The following CLVS2 variants were observed in gnomAD, a reference collection of about 807,000 sequenced individuals.
The protein encoded by CLVS2 is clavesin-2.
CLVS2 carries 19 observed loss-of-function variants against 29.0 expected under a neutral mutation model. That is an observed-to-expected ratio of 0.66 (90% CI 0.46 to 0.96). The LOEUF (loss-of-function observed/expected upper bound fraction) is 0.96, where lower values mean the gene tolerates loss of function less well. Ranked by LOEUF, CLVS2 falls within the 40% of genes least tolerant of loss-of-function variation. The probability of loss-of-function intolerance (pLI) is 0.00; values close to 1 mark genes in which losing one functional copy is unlikely to be tolerated. For missense variants in CLVS2, 294 were observed against 404.1 expected (o/e 0.73, Z 2.34); for synonymous variants, 161 against 151.3 (o/e 1.06, Z -0.47).
chr6:123,042,847 T>C (rs889241262), intron 3 of CLVS2, among the ~76,000 whole-genome samples: 3 of 152,138 alleles, frequency 2.0e-5, no homozygotes, highest in Non-Finnish European at 4.4e-5. Context: ...GAATAAGACC[T>C]GTATACAAAC....
At chr6:123,047,765 G>C (rs1772539905) in intron 3 of CLVS2, among the ~76,000 whole-genome samples, 1 of 151,366 alleles carries the variant, frequency 6.6e-6, no homozygotes, top group Non-Finnish European at 1.5e-5. Flanking sequence ...TCTTTTTAAA[G>C]AAGACCTTTG....
Position 123,072,539 on chromosome 6 carries a change from A to T in CLVS2, c.*8778A>T, listed in dbSNP as rs943886138. On this transcript the variant is annotated 3_prime_UTR_variant, in exon 6 of 6. Transcript: ENST00000275162. ...TGTTTCTTAATATTTGATCCTTGAT[A>T]GTCTGTACAGTGGAAACCATTTCCC... 10 of 152,240 alleles carry T rather than the reference A, an allele frequency of 6.6e-5. No homozygotes were observed. The East Asian group carries it at 1.9e-3, about 29-fold the overall frequency. 9.4% of individuals were successfully genotyped at this position (152,240 alleles called of 1,614,324 possible). A position where few individuals can be genotyped will look rare whatever the true frequency, so the allele number is the denominator to read the frequency against.
intron 2 of CLVS2, among the ~76,000 whole-genome samples, chr6:123,004,983 A>C (rs1774646539): frequency 6.6e-6 from 1 of 152,028 alleles, no homozygotes; most frequent in South Asian, 2.1e-4. Flanking sequence ...CTATTCATCA[A>C]ACTCTGTTCT....
At chr6:123,061,479 A>T (rs1337133574) in intron 5 of CLVS2, among the ~76,000 whole-genome samples, 1 of 152,208 alleles carries the variant, frequency 6.6e-6, no homozygotes, top group African/African-American at 2.4e-5. Context: ...TACACTTGGG[A>T]CAACTAAATA....
At chr6:123,006,503 A>G (rs1454594520) in intron 2 of CLVS2, among the ~76,000 whole-genome samples, 6 of 152,194 alleles carry the variant, frequency 3.9e-5, no homozygotes, top group East Asian at 1.9e-4. Context: ...GTGCCATTAT[A>G]TTAGGAAATA....
At chr6:123,018,646 T>G (rs1312226674) in intron 3 of CLVS2, among the ~76,000 whole-genome samples, 2 of 148,806 alleles carry the variant, frequency 1.3e-5, no homozygotes, top group African/African-American at 4.9e-5. Flanking sequence ...AAAATACTCT[T>G]TTTTCTTTAT....
chr6:123,041,091 G>T (rs115430186), intron 3 of CLVS2, among the ~76,000 whole-genome samples: 1,641 of 152,098 alleles, frequency 0.011, 37 homozygotes, highest in African/African-American at 0.037. Flanking sequence ...GTTGTTTTTT[G>T]AACTTAATTA....
intron 3 of CLVS2, 112 bp from the exon 4 acceptor site, chr6:123,048,508 GAT>G (rs1772555547): frequency 1.7e-5 from 11 of 663,892 alleles, no homozygotes; most frequent in South Asian, 1.5e-4. Context: ...TAACTCCACA[GAT>G]AATCTCATCT....
At chr6:123,062,215 G>A (rs1269687047) in intron 5 of CLVS2, among the ~76,000 whole-genome samples, 1 of 152,036 alleles carries the variant, frequency 6.6e-6, no homozygotes, top group Non-Finnish European at 1.5e-5. Context: ...GCTTGGTTGG[G>A]TCTTACCTAA....
rs1310837262 is a variant in CLVS2 at position 123,070,147 on chromosome 6, T to G, written c.*6386T>G. 6.6e-6 allele frequency: 1 copy of G among 152,008 alleles called. No individual in the cohort carries two copies. Among genetic ancestry groups the G allele is most frequent in the Non-Finnish European group, 1.5e-5 (1 of 67,926 alleles). 9.4% of individuals were successfully genotyped at this position (152,008 alleles called of 1,614,324 possible). On this transcript the variant is annotated 3_prime_UTR_variant, in exon 6 of 6. Coordinates refer to ENST00000275162, the MANE Select transcript of CLVS2 (RefSeq NM_001010852.4). ...GAAGACTAGTAATATCCCTTACTCC[T>G]CATTCATATAGCTAACAATTTTAAT... is the stretch of plus-strand genomic sequence containing the variant.
chr6:123,016,271 C>T (rs1356268742), intron 3 of CLVS2, among the ~76,000 whole-genome samples: 1 of 140,618 alleles, frequency 7.1e-6, no homozygotes, highest in Non-Finnish European at 1.5e-5. Flanking sequence ...CCAACTAAAA[C>T]ACAAACTGTT....
intron 3 of CLVS2, 72 bp from the exon 4 acceptor site, chr6:123,048,550 A>T (rs1188126845): frequency 2.0e-6 from 2 of 996,462 alleles, no homozygotes; most frequent in Non-Finnish European, 3.2e-6. Flanking sequence ...TTTGTATACC[A>T]TATAACCTTT....
intron 3 of CLVS2, 129 bp from the exon 4 acceptor site, chr6:123,048,493 C>G: frequency 3.4e-6 from 2 of 595,018 alleles, no homozygotes; most frequent in South Asian, 2.5e-5. Flanking sequence ...CTTCTTTTCT[C>G]TCCTTAACTC....
At chr6:123,054,282 C>T (rs1251559104) in intron 4 of CLVS2, among the ~76,000 whole-genome samples, 1 of 152,160 alleles carries the variant, frequency 6.6e-6, no homozygotes, top group Non-Finnish European at 1.5e-5. Context: ...CAGGGGTGCA[C>T]ATGTGTTTTC....
intron 4 of CLVS2, among the ~76,000 whole-genome samples, chr6:123,054,615 G>C (rs1029615100): frequency 6.6e-6 from 1 of 152,152 alleles, no homozygotes; most frequent in African/African-American, 2.4e-5. Context: ...AAATATGAAT[G>C]TGTTAGCTTA....
chr6:123,048,340 T>C (rs1291704137), intron 3 of CLVS2, among the ~76,000 whole-genome samples: 1 of 152,136 alleles, frequency 6.6e-6, no homozygotes, highest in African/African-American at 2.4e-5. Context: ...CTGTACTGAC[T>C]ATTAGCAGTT....
chr6:123,026,167 C>A (rs1395443207), intron 3 of CLVS2, among the ~76,000 whole-genome samples: 1 of 151,750 alleles, frequency 6.6e-6, no homozygotes, highest in Non-Finnish European at 1.5e-5. Context: ...GGAATATGTG[C>A]AATATAAACA....
rs748619435 is a variant in CLVS2, at chr6:123,055,983, G to A, written c.853G>A (p.Val285Met). 1.4e-5 allele frequency: 23 copies of A among 1,613,856 alleles called. 1 individual carries two copies. The South Asian group carries it at 2.4e-4, about 17-fold the overall frequency. Residue 285 changes from valine (V) to methionine (M), a missense_variant, in exon 5 of 6, where the codon GTG (valine) becomes ATG (methionine). By Grantham distance (21) the Val-to-Met change is conservative. Transcript: ENST00000275162. ...EYNVDSYSMPVKEVEKELSPK... is the reference protein window; with the variant it reads ...EYNVDSYSMPMKEVEKELSPK... ...CAATGTAGACTCCTACAGCATGCCT[G>A]TGAAGGAAGTAGAGAAGGAACTCTC...
intron 3 of CLVS2, among the ~76,000 whole-genome samples, chr6:123,017,894 G>C (rs1379950024): frequency 6.6e-6 from 1 of 151,980 alleles, no homozygotes; most frequent in Non-Finnish European, 1.5e-5. Context: ...TGTCAACCTT[G>C]ACAAAAAGTA....
Sources: allele counts gnomAD v4.1 joint callset (sites outside exome capture counted in the v4.1 genomes callset), GRCh38; gene constraint gnomAD v4.1.1; transcripts MANE v1.5; gene names NCBI Gene and HGNC (gene_info 2026-07-23, HGNC 2026-07-21).